ROBO2: variants seen among roughly 807,000 people sequenced by gnomAD.
The protein encoded by ROBO2 is roundabout guidance receptor 2, also known as roundabout homolog 2.
A neutral mutation model predicts 160.8 loss-of-function variants in ROBO2; 53 were observed. The ratio of observed to expected loss-of-function variants is 0.33; its 90% CI spans 0.26 to 0.41. ROBO2 has a LOEUF of 0.41. Among genes scored for constraint, ROBO2 ranks in the 10% least tolerant of loss-of-function variants. The pLI is 1.00. For synonymous variants in ROBO2, 664 were observed against 611.7 expected, an observed-to-expected ratio of 1.09 and a Z score of -1.26; for missense variants, 1,577 against 1,722.4, an observed-to-expected ratio of 0.92 and a Z score of 1.49.
chr3:77,591,875 A>G lies in ROBO2; in HGVS notation c.2683+2942A>G, dbSNP rs142705480. ...AGCTTTCAATTTGCTCTGGAATTTGATTTGTATGTTCATCTCTCTGCACAC... is the reference window on the plus strand; with the variant it reads ...AGCTTTCAATTTGCTCTGGAATTTGGTTTGTATGTTCATCTCTCTGCACAC... On this transcript the variant is annotated intron_variant, in intron 17 of 25. Coordinates refer to ENST00000461745, the Ensembl canonical transcript of ROBO2. Among the ~76,000 whole-genome samples, 4 of 152,276 alleles carry G rather than the reference A, an allele frequency of 2.6e-5. No individual in the cohort carries two copies. The East Asian group carries it at 7.7e-4, about 29-fold the overall frequency.
chr3:77,127,570 AAAG>A lies in ROBO2; in HGVS notation c.388+29235_388+29237del, dbSNP rs563803404. On this transcript the variant is annotated intron_variant, in intron 2 of 25. Coordinates refer to ENST00000461745, the Ensembl canonical transcript of ROBO2. ...TCTATTTTTTTAAGTGAATTTCTCA[AAAG>A]AAGATTTTCATTGTGTGGGTAAGTC... Among the ~76,000 whole-genome samples, 23 of 152,312 alleles carry A rather than the reference AAAG, an allele frequency of 1.5e-4. 1 individual carries two copies. The South Asian group carries it at 4.8e-3, about 32-fold the overall frequency.
intron 2 of ROBO2, among the ~76,000 whole-genome samples, chr3:77,443,726 T>G (rs2080187648): frequency 6.6e-6 from 1 of 152,136 alleles, no homozygotes; most frequent in East Asian, 1.9e-4. Context: ...TAAAAAGACA[T>G]TAAATCCTCT....
At chr3:76,983,526 A>T (rs1376236167) in intron 2 of ROBO2, among the ~76,000 whole-genome samples, 1 of 152,162 alleles carries the variant, frequency 6.6e-6, no homozygotes, top group Non-Finnish European at 1.5e-5. Flanking sequence ...GTCTATATTG[A>T]TTTCATTCAC....
In ROBO2 at chr3:77,360,994, G is replaced by A. The variant is rs539773205; in HGVS notation, c.389-116420G>A. Among the ~76,000 whole-genome samples the A allele has an allele frequency of 1.3e-4, 20 of 151,438 alleles. 1 individual carries two copies. The South Asian group carries it at 4.0e-3, about 30-fold the overall frequency. On this transcript the variant is annotated intron_variant, in intron 2 of 25. Transcript: ENST00000461745. ...TATTAAGATTATGACTTTTTAAATT[G>A]CATAGGCAAAAATTATTAGTTTAAA... is the stretch of plus-strand genomic sequence containing the variant.
intron 2 of ROBO2, among the ~76,000 whole-genome samples, chr3:77,352,823 T>G (rs2068540181): frequency 6.6e-6 from 1 of 152,170 alleles, no homozygotes; most frequent in Admixed American, 6.5e-5. Flanking sequence ...TGTGGGAAGT[T>G]ACTTCTCTCT....
chr3:76,872,033 A>G (rs187653409), intron 2 of ROBO2, among the ~76,000 whole-genome samples: 4 of 152,334 alleles, frequency 2.6e-5, no homozygotes, highest in East Asian at 1.9e-4. Context: ...GAGATTTGTC[A>G]TAAATGTCAC....
At chr3:77,527,436 C>A in intron 6 of ROBO2, 22 bp downstream of exon 7, 1 of 1,284,474 alleles carries the variant, frequency 7.8e-7, no homozygotes, top group Non-Finnish European at 1.0e-6. Flanking sequence ...TCCTTCTATC[C>A]ACTAAGCATG....
intron 2 of ROBO2, among the ~76,000 whole-genome samples, chr3:76,216,970 A>G (rs911400744): frequency 1.3e-5 from 2 of 152,310 alleles, no homozygotes; most frequent in Non-Finnish European, 2.9e-5. Context: ...CTCTCAGACC[A>G]CAGTGCAATC....
At chr3:77,496,462 C>T (rs544816389) in intron 5 of ROBO2, among the ~76,000 whole-genome samples, 14 of 152,278 alleles carry the variant, frequency 9.2e-5, no homozygotes, top group African/African-American at 2.9e-4. Flanking sequence ...TGAGGAATAA[C>T]AGTAATAACT....
At chr3:76,110,866 T>A (rs542413751) in intron 2 of ROBO2, among the ~76,000 whole-genome samples, 1 of 152,292 alleles carries the variant, frequency 6.6e-6, no homozygotes, top group African/African-American at 2.4e-5. Flanking sequence ...AATACTGTGC[T>A]TAAATCTTCC....
chr3:77,565,203 A>G, intron 12 of ROBO2, 83 bp downstream of exon 13: 1 of 1,454,180 alleles, frequency 6.9e-7, no homozygotes, highest in Non-Finnish European at 9.7e-7. Context: ...GAGGAAATAT[A>G]CATGTGCCTG....
rs186144846 is a variant in ROBO2 at position 77,612,351 on chromosome 3, G to A, written c.3293+4397G>A. Among the ~76,000 whole-genome samples, 310 of 152,172 alleles carry A rather than the reference G, an allele frequency of 2.0e-3. 1 individual carries two copies. The highest frequency in any genetic ancestry group is 7.2e-3 in the African/African-American group (299 of 41,522). On this transcript the variant is annotated intron_variant, in intron 21 of 25. Coordinates refer to ENST00000461745, the Ensembl canonical transcript of ROBO2. ...ATCTGTTACTTTCTCATCCTTCTTCGGTAACTGCATGAAACCTAAGTATTT... is the reference window on the plus strand; with the variant it reads ...ATCTGTTACTTTCTCATCCTTCTTCAGTAACTGCATGAAACCTAAGTATTT...
At chr3:76,337,544 C>T (rs1302617007) in intron 2 of ROBO2, among the ~76,000 whole-genome samples, 1 of 151,916 alleles carries the variant, frequency 6.6e-6, no homozygotes, top group Non-Finnish European at 1.5e-5. Context: ...GTAAAATTTC[C>T]CCAGAACTAG....
At chr3:76,385,146 C>T (rs2076822833) in intron 2 of ROBO2, among the ~76,000 whole-genome samples, 1 of 152,032 alleles carries the variant, frequency 6.6e-6, no homozygotes, top group Admixed American at 6.5e-5. Flanking sequence ...AGGCATGCAC[C>T]ACCATGTCTG....
chr3:76,569,375 T>A (rs1367696672), intron 2 of ROBO2, among the ~76,000 whole-genome samples: 2 of 152,126 alleles, frequency 1.3e-5, no homozygotes, highest in South Asian at 4.1e-4. Flanking sequence ...TATAAAAATA[T>A]AAAATATAAT....
intron 2 of ROBO2, among the ~76,000 whole-genome samples, chr3:76,858,657 C>G (rs1453569058): frequency 6.6e-6 from 1 of 152,106 alleles, no homozygotes; most frequent in East Asian, 1.9e-4. Context: ...AAGGCCCTGC[C>G]CAGCCAGACA....
intron 2 of ROBO2, among the ~76,000 whole-genome samples, chr3:76,993,958 A>G (rs1217598972): frequency 6.6e-6 from 1 of 151,990 alleles, no homozygotes; most frequent in Non-Finnish European, 1.5e-5. Context: ...ATCAGTTACC[A>G]TTACTGAAAT....
At chr3:76,383,170 G>T (rs181131870) in intron 2 of ROBO2, among the ~76,000 whole-genome samples, 3 of 152,232 alleles carry the variant, frequency 2.0e-5, no homozygotes, top group East Asian at 3.9e-4. Context: ...AAAAAAAAGA[G>T]AATTTTAACA....
chr3:76,885,943 G>C (rs775069087), intron 2 of ROBO2, among the ~76,000 whole-genome samples: 18 of 152,266 alleles, frequency 1.2e-4, no homozygotes, highest in African/African-American at 4.3e-4. Context: ...GGTGAGGAGC[G>C]GGGGAGGGCA....
Sources: gnomAD v4.1 joint callset for allele counts (sites outside exome capture counted in the v4.1 genomes callset) on GRCh38, gnomAD v4.1.1 for gene constraint, MANE v1.5 for transcripts, NCBI Gene and HGNC (gene_info 2026-07-23, HGNC 2026-07-21) for gene names.